The following TENM3 variants were observed in gnomAD, a reference collection of about 807,000 sequenced individuals.
TENM3 encodes the protein teneurin transmembrane protein 3.
In TENM3, 63 loss-of-function variants were observed where a neutral mutation model predicts 255.1. That is an observed-to-expected ratio of 0.25 (90% CI 0.20 to 0.30). TENM3 has a LOEUF of 0.30. Ranked by LOEUF, TENM3 falls within the 10% of genes least tolerant of loss-of-function variation. The pLI is 1.00. For synonymous variants in TENM3, 1,306 were observed against 1,322.3 expected, an observed-to-expected ratio of 0.99 and a Z score of 0.27; for missense variants, 2,929 against 3,461.1, an observed-to-expected ratio of 0.85 and a Z score of 3.86.
the TENM3 span, among the ~76,000 whole-genome samples, chr4:181,482,077 GA>G: frequency 6.6e-6 from 1 of 151,936 alleles, no homozygotes; most frequent in Non-Finnish European, 1.5e-5. Context: ...CACATTATAG[GA>G]AAAAGTTGTG....
the TENM3 span, among the ~76,000 whole-genome samples, chr4:181,960,425 A>G: frequency 6.6e-6 from 1 of 152,334 alleles, no homozygotes; most frequent in Non-Finnish European, 1.5e-5. Context: ...CACATATAAT[A>G]CCAGCCAGCT....
At chr4:182,471,788 G>A (rs1733148997) in intron 3 of TENM3, among the ~76,000 whole-genome samples, 1 of 152,080 alleles carries the variant, frequency 6.6e-6, no homozygotes, top group African/African-American at 2.4e-5. Context: ...CCTTAGGATA[G>A]CACAGTACAT....
the TENM3 span, among the ~76,000 whole-genome samples, chr4:181,995,059 C>A: frequency 6.6e-6 from 1 of 151,984 alleles, no homozygotes; most frequent in Admixed American, 6.6e-5. Context: ...GAAGCTGAGG[C>A]GGGTAGATCA....
the TENM3 span, among the ~76,000 whole-genome samples, chr4:181,544,086 T>G: frequency 6.6e-6 from 1 of 152,056 alleles, no homozygotes; most frequent in Admixed American, 6.6e-5. Flanking sequence ...TTGAGAAGAT[T>G]AGTTCATTAT....
At chr4:182,710,023 G>C (rs1042072816) in intron 12 of TENM3, among the ~76,000 whole-genome samples, 1 of 152,078 alleles carries the variant, frequency 6.6e-6, no homozygotes, top group Non-Finnish European at 1.5e-5. Flanking sequence ...GATTCTGTTG[G>C]CAAAAATAAT....
chr4:182,430,237 A>G (rs1244784336), intron 3 of TENM3, among the ~76,000 whole-genome samples: 1 of 150,544 alleles, frequency 6.6e-6, no homozygotes, highest in African/African-American at 2.4e-5. Context: ...TGAGGAGCAG[A>G]TTGTAGCACA....
chr4:182,631,031 T>G (rs1751319374), intron 5 of TENM3, among the ~76,000 whole-genome samples: 1 of 152,206 alleles, frequency 6.6e-6, no homozygotes, highest in Non-Finnish European at 1.5e-5. Context: ...CATTAGTGAA[T>G]ATAACTCTCA....
chr4:181,954,423 A>G, the TENM3 span, among the ~76,000 whole-genome samples: 1 of 152,324 alleles, frequency 6.6e-6, no homozygotes, highest in East Asian at 1.9e-4. Context: ...TTACAAATTC[A>G]CCAACACGTG....
At chr4:182,165,340 C>T (rs1042650280) in intron 1 of TENM3, among the ~76,000 whole-genome samples, 1 of 152,144 alleles carries the variant, frequency 6.6e-6, no homozygotes, top group African/African-American at 2.4e-5. Flanking sequence ...TGCTGAGGAC[C>T]AAAAAGTTAC....
intron 2 of TENM3, among the ~76,000 whole-genome samples, chr4:182,329,207 C>T (rs73869928): frequency 0.11 from 16,339 of 152,112 alleles, 890 homozygotes; most frequent in African/African-American, 0.13. Context: ...ACCAAGCTGG[C>T]GCAAGTGTTT....
chr4:181,654,591 CA>C, the TENM3 span, among the ~76,000 whole-genome samples: 1 of 151,520 alleles, frequency 6.6e-6, no homozygotes, highest in Non-Finnish European at 1.5e-5. Context: ...CCGTCTCTAC[CA>C]AAAATACAAA....
the TENM3 span, among the ~76,000 whole-genome samples, chr4:182,024,908 T>A: frequency 3.3e-5 from 5 of 151,636 alleles, no homozygotes; most frequent in Admixed American, 1.3e-4. Flanking sequence ...GATTTTTAGA[T>A]CCCACAAAAA....
the TENM3 span, among the ~76,000 whole-genome samples, chr4:181,797,292 C>A: frequency 6.6e-6 from 1 of 151,578 alleles, no homozygotes; most frequent in Non-Finnish European, 1.5e-5. Flanking sequence ...GAACTGCAGG[C>A]AACAAAAAAG....
intron 2 of TENM3, among the ~76,000 whole-genome samples, chr4:182,325,404 A>C (rs1374563735): frequency 6.6e-6 from 1 of 152,192 alleles, no homozygotes; most frequent in Middle Eastern, 3.2e-3. Flanking sequence ...AACTCATTTG[A>C]TTCGCTAAGG....
the TENM3 span, among the ~76,000 whole-genome samples, chr4:181,490,447 C>A: frequency 6.6e-6 from 1 of 151,422 alleles, no homozygotes; most frequent in African/African-American, 2.4e-5. Context: ...CTGCAAACAT[C>A]TTTATGAGTT....
intron 3 of TENM3, among the ~76,000 whole-genome samples, chr4:182,407,337 A>T (rs567503203): frequency 1.3e-5 from 2 of 152,342 alleles, no homozygotes; most frequent in South Asian, 4.1e-4. Flanking sequence ...TTAAAGTGGA[A>T]TAGCGATTCT....
intron 3 of TENM3, among the ~76,000 whole-genome samples, chr4:182,411,442 A>G (rs903760232): frequency 6.6e-6 from 1 of 152,192 alleles, no homozygotes; most frequent in Admixed American, 6.5e-5. Context: ...GGACTTTACA[A>G]AGAGGAGGTT....
At chr4:182,440,259 G>T (rs780946208) in intron 3 of TENM3, among the ~76,000 whole-genome samples, 1 of 151,566 alleles carries the variant, frequency 6.6e-6, no homozygotes, top group Non-Finnish European at 1.5e-5. Flanking sequence ...CTACAGGCAC[G>T]CACCACCACG....
At chr4:182,367,127 T>C (rs10000045) in intron 3 of TENM3, among the ~76,000 whole-genome samples, 1 of 146,058 alleles carries the variant, frequency 6.8e-6, no homozygotes, top group South Asian at 2.2e-4. Flanking sequence ...GAAAAGACTT[T>C]ACAGAATTTA....
Sources: allele counts gnomAD v4.1 joint callset (sites outside exome capture counted in the v4.1 genomes callset), GRCh38; gene constraint gnomAD v4.1.1; transcripts MANE v1.5; gene names NCBI Gene and HGNC (gene_info 2026-07-23, HGNC 2026-07-21).